The following TMEM132D variants were observed in gnomAD, a reference collection of about 807,000 sequenced individuals.
The protein encoded by TMEM132D is transmembrane protein 132D, also known as mature OL transmembrane protein.
Under a neutral mutation model 62.3 loss-of-function variants are expected in TMEM132D, and 21 were observed. That is an observed-to-expected ratio of 0.34 (90% CI 0.24 to 0.49). The LOEUF (loss-of-function observed/expected upper bound fraction) is 0.49, where lower values mean the gene tolerates loss of function less well. TMEM132D is among the 20% of genes least tolerant of loss of function. TMEM132D has a pLI of 0.99. For synonymous variants in TMEM132D, 621 were observed against 575.6 expected (o/e 1.08, Z -1.13); for missense variants, 1,346 against 1,402.8 (o/e 0.96, Z 0.65).
At chr12:129,747,814 A>G (rs932232775) in intron 1 of TMEM132D, among the ~76,000 whole-genome samples, 4 of 147,934 alleles carry the variant, frequency 2.7e-5, no homozygotes, top group Non-Finnish European at 5.9e-5. Flanking sequence ...TGATACACAC[A>G]CTTGACACAC....
At chr12:129,333,054 T>C (rs944748668) in intron 4 of TMEM132D, among the ~76,000 whole-genome samples, 5 of 152,140 alleles carry the variant, frequency 3.3e-5, no homozygotes, top group African/African-American at 9.6e-5. Context: ...ATAACAAAGG[T>C]CTAAGAATAA....
chr12:129,698,270 A>ATGTG (rs1881254243), intron 2 of TMEM132D: 1 of 151,648 alleles, frequency 6.6e-6, no homozygotes, highest in African/African-American at 2.4e-5. Flanking sequence ...GCCAGCGCAG[A>ATGTG]TGTGTTCCTG....
At chr12:129,137,150 ATCACTATCACAATCACC>A (rs1876604024) in intron 5 of TMEM132D, among the ~76,000 whole-genome samples, 1 of 146,356 alleles carries the variant, frequency 6.8e-6, no homozygotes, top group African/African-American at 2.7e-5. Flanking sequence ...TATCATTGTC[ATCACTATCACAATCACC>A]ATCATCATCA....
chr12:129,114,691 T>C (rs1875838061), intron 5 of TMEM132D, among the ~76,000 whole-genome samples: 1 of 152,102 alleles, frequency 6.6e-6, no homozygotes, highest in African/African-American at 2.4e-5. Context: ...CTGGCTCTTA[T>C]CCTCTAAGTA....
intron 1 of TMEM132D, among the ~76,000 whole-genome samples, chr12:129,739,930 G>T (rs566335415): frequency 6.6e-6 from 1 of 152,222 alleles, no homozygotes; most frequent in Non-Finnish European, 1.5e-5. Flanking sequence ...TCATTCTAAA[G>T]AACCCTAAAA....
chr12:129,152,181 A>G (rs912446475), intron 5 of TMEM132D, among the ~76,000 whole-genome samples: 2 of 152,186 alleles, frequency 1.3e-5, no homozygotes, highest in African/African-American at 4.8e-5. Context: ...CCTTCAATGT[A>G]GTTTTAAATC....
intron 2 of TMEM132D, among the ~76,000 whole-genome samples, chr12:129,617,183 A>G (rs1878941849): frequency 6.6e-6 from 1 of 152,228 alleles, no homozygotes. Flanking sequence ...GAACTGATGG[A>G]GAAAACAAGG....
chr12:129,729,376 T>C (rs1869143127), intron 1 of TMEM132D, among the ~76,000 whole-genome samples: 1 of 152,212 alleles, frequency 6.6e-6, no homozygotes, highest in Admixed American at 6.5e-5. Context: ...AGTACTGTTC[T>C]ATGCATTGCA....
At chr12:129,383,484 C>T (rs1871012115) in intron 3 of TMEM132D, among the ~76,000 whole-genome samples, 1 of 152,158 alleles carries the variant, frequency 6.6e-6, no homozygotes, top group African/African-American at 2.4e-5. Context: ...GAGTCTTGCT[C>T]TGTTGCCCAG....
At chr12:129,366,589 T>C (rs1361617579) in intron 3 of TMEM132D, among the ~76,000 whole-genome samples, 1 of 152,232 alleles carries the variant, frequency 6.6e-6, no homozygotes, top group Non-Finnish European at 1.5e-5. Flanking sequence ...GTTTCAGGTC[T>C]TTCTTTATAG....
At chr12:129,527,713 T>A (rs1876089335) in intron 3 of TMEM132D, among the ~76,000 whole-genome samples, 1 of 152,104 alleles carries the variant, frequency 6.6e-6, no homozygotes, top group Admixed American at 6.5e-5. Context: ...AACATAGGAG[T>A]ATACTGAGCA....
chr12:129,189,434 T>C (rs1007268860), intron 5 of TMEM132D, among the ~76,000 whole-genome samples: 4 of 152,160 alleles, frequency 2.6e-5, no homozygotes, highest in Admixed American at 6.5e-5. Context: ...GCCAAGAGAT[T>C]AGACAACTTT....
At chr12:129,304,359 C>G (rs1466501570) in intron 4 of TMEM132D, among the ~76,000 whole-genome samples, 1 of 152,028 alleles carries the variant, frequency 6.6e-6, no homozygotes, top group Non-Finnish European at 1.5e-5. Context: ...CATGCAAAGG[C>G]CAGGTCATGG....
At chr12:129,525,589 T>C (rs761214916) in intron 3 of TMEM132D, among the ~76,000 whole-genome samples, 5 of 152,156 alleles carry the variant, frequency 3.3e-5, no homozygotes, top group Admixed American at 6.5e-5. Context: ...TTTTAATGGT[T>C]CTGTTGATTA....
intron 4 of TMEM132D, among the ~76,000 whole-genome samples, chr12:129,211,744 G>C (rs1403226661): frequency 6.6e-6 from 1 of 152,166 alleles, no homozygotes; most frequent in Non-Finnish European, 1.5e-5. Context: ...GTTGGAATAT[G>C]CATAGGCCTT....
intron 3 of TMEM132D, among the ~76,000 whole-genome samples, chr12:129,530,492 TC>T (rs1876185043): frequency 1.3e-5 from 2 of 152,200 alleles, no homozygotes; most frequent in East Asian, 3.9e-4. Flanking sequence ...ATTGATTGTT[TC>T]TAATTTGGTG....
rs116577947 is a variant in TMEM132D, at chr12:129,460,620, G to A, written c.1115+70439C>T. On this transcript the variant is annotated intron_variant, in intron 3 of 8. Transcript: ENST00000422113. ...TATAAATGAGTTCTAACTGCATTGG[G>A]CATCCAGTTAGCGCTCAAAAAAATG... is the stretch of plus-strand genomic sequence containing the variant. Among the ~76,000 whole-genome samples the A allele has an allele frequency of 2.5e-3, 383 of 152,232 alleles. 2 individuals carry two copies. The highest frequency in any genetic ancestry group is 8.9e-3 in the African/African-American group (370 of 41,540).
intron 5 of TMEM132D, among the ~76,000 whole-genome samples, chr12:129,202,037 C>G (rs1878719417): frequency 2.6e-5 from 4 of 151,772 alleles, no homozygotes. Context: ...ACAAAACGAG[C>G]ATCCTTGGGA....
chr12:129,115,252 C>T (rs989511087), intron 5 of TMEM132D, among the ~76,000 whole-genome samples: 5 of 152,170 alleles, frequency 3.3e-5, no homozygotes, highest in African/African-American at 1.2e-4. Context: ...TTAGCAGGAC[C>T]CACAAGCATG....
Sources: allele counts gnomAD v4.1 joint callset (sites outside exome capture counted in the v4.1 genomes callset), GRCh38; gene constraint gnomAD v4.1.1; transcripts MANE v1.5; gene names NCBI Gene and HGNC (gene_info 2026-07-23, HGNC 2026-07-21).